The following DYNC2H1 variants were observed in gnomAD, a reference collection of about 807,000 sequenced individuals.
The protein encoded by DYNC2H1 is cytoplasmic dynein 2 heavy chain 1.
A neutral mutation model predicts 570.0 loss-of-function variants in DYNC2H1; 410 were observed. The observed-to-expected ratio is 0.72, with a 90% CI of 0.66 to 0.78. The LOEUF (loss-of-function observed/expected upper bound fraction) is 0.78, where lower values mean the gene tolerates loss of function less well. Ranked by LOEUF, DYNC2H1 falls within the 30% of genes least tolerant of loss-of-function variation. The pLI, the probability that DYNC2H1 is intolerant of heterozygous loss-of-function variation, is 0.00. For missense variants in DYNC2H1, 4,865 were observed against 5,046.4 expected, an observed-to-expected ratio of 0.96 and a Z score of 1.09; for synonymous variants, 1,688 against 1,677.6, an observed-to-expected ratio of 1.01 and a Z score of -0.15.
chr11:103,356,043 C>A (rs548031273), intron 82 of DYNC2H1, among the ~76,000 whole-genome samples: 23 of 152,110 alleles, frequency 1.5e-4, no homozygotes, highest in African/African-American at 5.5e-4. Context: ...CCAAAGCATG[C>A]CAGTAGCATA....
At chr11:103,371,263 CAAAAG>C (rs1286294870) in intron 83 of DYNC2H1, among the ~76,000 whole-genome samples, 3 of 151,286 alleles carry the variant, frequency 2.0e-5, no homozygotes, top group African/African-American at 4.9e-5. Context: ...TCAGAGAAGA[CAAAAG>C]AAAAAAGAAT....
intron 87 of DYNC2H1, among the ~76,000 whole-genome samples, chr11:103,464,502 A>T (rs962827402): frequency 6.6e-6 from 1 of 152,186 alleles, no homozygotes; most frequent in African/African-American, 2.4e-5. Context: ...TTCTTGGATG[A>T]AAAGCATCTG....
chr11:103,419,965 A>C (rs1047576257), intron 84 of DYNC2H1, among the ~76,000 whole-genome samples: 1 of 152,194 alleles, frequency 6.6e-6, no homozygotes, highest in African/African-American at 2.4e-5. Flanking sequence ...GATGAAAAAC[A>C]CAACACGAGA....
In DYNC2H1 at chr11:103,261,482, G is replaced by A. The variant is rs906609185; in HGVS notation, c.10695+1505G>A. On this transcript the variant is annotated intron_variant, in intron 70 of 88. Coordinates refer to ENST00000375735, the MANE Select transcript of DYNC2H1 (RefSeq NM_001377.3). This position sits in a 1 kb window ranked among gnomAD's most constrained non-coding sequence, Gnocchi z 4.8. ...CATCTGGTGCGTGCCCCTCTAGGAC[G>A]AAGCTTCCAGAGGAAAGAACAGGCA... is the stretch of plus-strand genomic sequence containing the variant. Among the ~76,000 whole-genome samples, 5 of 152,110 alleles carry A rather than the reference G, an allele frequency of 3.3e-5. No homozygotes were observed. The highest frequency in any genetic ancestry group is 7.3e-5 in the African/African-American group (3 of 41,374).
chr11:103,211,885 A>T lies in DYNC2H1; in HGVS notation c.8636A>T (p.Tyr2879Phe). ...PSRYMTFLHV[Y>F]SAISSSKKKE... ...CGATACATGACCTTTTTACATGTGT[A>T]TTCTGCCATTAGTAGTAGCAAGAAA... The change falls in exon 54 of 89, where the codon TAT (tyrosine) becomes TTT (phenylalanine). Residue 2879 changes from tyrosine (Y) to phenylalanine (F), a missense_variant. Around this residue, in one of 5 missense-constraint regions of DYNC2H1, gnomAD observed 2,401 missense variants for 2,454.6 expected, o/e 0.98. Transcript: ENST00000375735. 6.5e-7 allele frequency: 1 copy of T among 1,537,292 alleles called. No individual in the cohort carries two copies.
At chr11:103,240,956 C>T (rs571814235) in intron 63 of DYNC2H1, among the ~76,000 whole-genome samples, 90 of 152,226 alleles carry the variant, frequency 5.9e-4, no homozygotes, top group African/African-American at 2.1e-3. Flanking sequence ...TTAGCTACAC[C>T]GGAGTACTGT....
At chr11:103,221,258 G>T (rs1863575654) in intron 57 of DYNC2H1, among the ~76,000 whole-genome samples, 1 of 152,110 alleles carries the variant, frequency 6.6e-6, no homozygotes, top group Non-Finnish European at 1.5e-5. Flanking sequence ...AACCATGCAG[G>T]TTCAGGTTTC....
chr11:103,217,483 G>A (rs1236555688), intron 55 of DYNC2H1, among the ~76,000 whole-genome samples: 1 of 152,118 alleles, frequency 6.6e-6, no homozygotes, highest in Admixed American at 6.6e-5. Context: ...AATAAATGGG[G>A]AAAGATAGTC....
intron 59 of DYNC2H1, among the ~76,000 whole-genome samples, chr11:103,227,808 G>T (rs1465722792): frequency 6.6e-6 from 1 of 152,076 alleles, no homozygotes; most frequent in Non-Finnish European, 1.5e-5. Context: ...TTATTGTGTT[G>T]ATGTTTATCT....
chr11:103,179,928 G>A (rs1861782806), intron 39 of DYNC2H1, among the ~76,000 whole-genome samples: 1 of 151,490 alleles, frequency 6.6e-6, no homozygotes, highest in Admixed American at 6.6e-5. Context: ...TTATCATACT[G>A]TAGCATTTTA....
chr11:103,224,722 T>TAGAC (rs1481897830), intron 59 of DYNC2H1, among the ~76,000 whole-genome samples: 1 of 152,230 alleles, frequency 6.6e-6, no homozygotes, highest in Non-Finnish European at 1.5e-5. Flanking sequence ...CGTGTGCAAG[T>TAGAC]GTCTTTTCCA....
intron 15 of DYNC2H1, among the ~76,000 whole-genome samples, 151 bp downstream of exon 15, chr11:103,134,570 A>G (rs999122570): frequency 7.2e-5 from 11 of 152,168 alleles, no homozygotes; most frequent in African/African-American, 2.7e-4. Context: ...ACTGAATTAT[A>G]TATAAAGACC....
chr11:103,137,941 A>G (rs541319081), intron 17 of DYNC2H1, among the ~76,000 whole-genome samples: 6,521 of 149,654 alleles, frequency 0.044, 173 homozygotes, highest in Non-Finnish European at 0.064. Context: ...GAGGTCCTTC[A>G]CGTCCCTTGT....
In DYNC2H1 at chr11:103,228,232, G is replaced by A. The variant is rs1863872775; in HGVS notation, c.9354-3028G>A. ...GTTTAGATCCATTGCTGATGAGCTG[G>A]TATAATATTTTGGGGGTGTTAAAGA... On this transcript the variant is annotated intron_variant, in intron 59 of 88. Transcript: ENST00000375735. This position sits in a 1 kb window ranked among gnomAD's most constrained non-coding sequence, Gnocchi z 6.1. Among the ~76,000 whole-genome samples the A allele has an allele frequency of 6.6e-6, 1 of 152,036 alleles. No individual in the cohort carries two copies. Among genetic ancestry groups the A allele is most frequent in the Non-Finnish European group, 1.5e-5 (1 of 67,998 alleles).
chr11:103,168,975 AGT>A lies in DYNC2H1; in HGVS notation c.4968+18_4968+19del. The A allele has an allele frequency of 1.9e-6, 3 of 1,562,376 alleles. No individual in the cohort carries two copies. Among genetic ancestry groups the A allele is most frequent in the Non-Finnish European group, 2.6e-6 (3 of 1,161,982 alleles). Reference sequence around the variant, plus strand: ...ATGAATATCAGGTATGAGTTGTGGCAGTGTTTTATATTTCCAATTAGAAATTA... The same window carrying A: ...ATGAATATCAGGTATGAGTTGTGGCAGTTTTATATTTCCAATTAGAAATTA... On this transcript the variant is annotated intron_variant, in intron 32 of 88. Transcript: ENST00000375735.
At chr11:103,235,626 G>T in intron 61 of DYNC2H1, 46 bp from the exon 62 acceptor site, 3 of 1,542,454 alleles carry the variant, frequency 1.9e-6, no homozygotes, top group South Asian at 2.6e-5. Flanking sequence ...TTTAATGTTA[G>T]AACATACTCA....
chr11:103,158,754 T>A lies in DYNC2H1; in HGVS notation c.4205T>A (p.Leu1402Gln). 6.6e-7 allele frequency: 1 copy of A among 1,513,046 alleles called. No homozygotes were observed. The highest frequency in any genetic ancestry group is 1.4e-5 in the African/African-American group (1 of 72,504). The allele number at this position is 1,513,046 out of a possible 1,614,324, so 93.7% of individuals were successfully genotyped here. Reference sequence around the variant, plus strand: ...CATGCTGGAATAAGAAATTCTCTACTAACAATACTTGATCAGCTTCAAAGA... The same window carrying A: ...CATGCTGGAATAAGAAATTCTCTACAAACAATACTTGATCAGCTTCAAAGA... ...TTHAGIRNSL[L>Q]TILDQLQRCQ... The change falls in exon 27 of 89, where the codon CTA (leucine) becomes CAA (glutamine). Residue 1402 changes from leucine (L) to glutamine (Q), a missense_variant. This residue lies in a region of DYNC2H1 where 1,936 missense variants were observed against 1,962.1 expected (regional missense o/e 0.99). Coordinates refer to ENST00000375735, the MANE Select transcript of DYNC2H1 (RefSeq NM_001377.3).
At chr11:103,360,868 T>C (rs905345815) in intron 83 of DYNC2H1, among the ~76,000 whole-genome samples, 4 of 152,170 alleles carry the variant, frequency 2.6e-5, no homozygotes, top group Admixed American at 6.5e-5. Context: ...AGTGGTGTTA[T>C]AATAAGGGAG....
At chr11:103,376,380 C>A (rs190187564) in intron 83 of DYNC2H1, among the ~76,000 whole-genome samples, 21 of 152,128 alleles carry the variant, frequency 1.4e-4, no homozygotes, top group Non-Finnish European at 2.4e-4. Context: ...TTTTTTAGAT[C>A]TTTGGTCCTT....
Sources: allele counts gnomAD v4.1 joint callset (sites outside exome capture counted in the v4.1 genomes callset), GRCh38; gene constraint gnomAD v4.1.1; regional missense constraint gnomAD v4.1.1; non-coding constraint Gnocchi (gnomAD v3.1); transcripts MANE v1.5; gene names NCBI Gene and HGNC (gene_info 2026-07-23, HGNC 2026-07-21).